Variants in PPP1R1C observed in about 807,000 individuals in gnomAD.
PPP1R1C encodes protein phosphatase 1 regulatory inhibitor subunit 1C.
Under a neutral mutation model 17.4 loss-of-function variants are expected in PPP1R1C, and 15 were observed. That is an observed-to-expected ratio of 0.86 (90% CI 0.58 to 1.33). The LOEUF (loss-of-function observed/expected upper bound fraction) is 1.33, where lower values mean the gene tolerates loss of function less well. Among genes scored for constraint, PPP1R1C ranks in the 40% most tolerant of loss-of-function variants. The pLI is 0.00. For synonymous variants in PPP1R1C, 35 were observed against 43.1 expected, an observed-to-expected ratio of 0.81 and a Z score of 0.73; for missense variants, 143 against 130.0, an observed-to-expected ratio of 1.10 and a Z score of -0.48.
intron 1 of PPP1R1C, among the ~76,000 whole-genome samples, chr2:181,956,910 A>G (rs1275233244): frequency 1.3e-5 from 2 of 152,254 alleles, no homozygotes; most frequent in Non-Finnish European, 2.9e-5. Flanking sequence ...CTGAAATGTT[A>G]CATAATTTTG....
chr2:182,110,610 T>A (rs1213795210), intron 4 of PPP1R1C, among the ~76,000 whole-genome samples: 1 of 152,186 alleles, frequency 6.6e-6, no homozygotes, highest in Non-Finnish European at 1.5e-5. Flanking sequence ...CAGCACAGGA[T>A]GTTATTCTCT....
At chr2:182,054,792 C>T (rs1687631912) in intron 2 of PPP1R1C, among the ~76,000 whole-genome samples, 1 of 152,076 alleles carries the variant, frequency 6.6e-6, no homozygotes, top group African/African-American at 2.4e-5. Context: ...TCCTTGGTAG[C>T]TGGAATTATA....
intron 2 of PPP1R1C, among the ~76,000 whole-genome samples, chr2:182,016,706 TATG>T (rs1344259020): frequency 6.6e-6 from 1 of 152,210 alleles, no homozygotes; most frequent in Non-Finnish European, 1.5e-5. Context: ...CTAGCTGAAA[TATG>T]ATAATACTAC....
chr2:182,036,018 T>A (rs922343478), intron 2 of PPP1R1C, among the ~76,000 whole-genome samples: 13 of 152,228 alleles, frequency 8.5e-5, no homozygotes, highest in Admixed American at 6.5e-4. Context: ...CACATTTGCT[T>A]TTCCACATAC....
At chr2:182,064,503 A>G (rs1475914711) in intron 4 of PPP1R1C, among the ~76,000 whole-genome samples, 2 of 151,986 alleles carry the variant, frequency 1.3e-5, no homozygotes, top group African/African-American at 4.8e-5. Context: ...ATCATACTCA[A>G]TTTGTCCAGC....
chr2:182,087,431 A>G lies in PPP1R1C; in HGVS notation c.241+23640A>G, dbSNP rs114675153. ...GCTGAATTCTGTTCCTCTACTCTAT[A>G]TTTTCCCATGCTGCTTTCATCTTTT... On this transcript the variant is annotated intron_variant, in intron 4 of 4. Coordinates refer to ENST00000682840, the MANE Select transcript of PPP1R1C (RefSeq NM_001080545.3). Among the ~76,000 whole-genome samples, 1,337 of 152,100 alleles carry G rather than the reference A, an allele frequency of 8.8e-3. 22 individuals carry two copies. The highest frequency in any genetic ancestry group is 0.03 in the African/African-American group (1,251 of 41,484).
chr2:182,067,466 G>A (rs1035330667), intron 4 of PPP1R1C, among the ~76,000 whole-genome samples: 1 of 151,968 alleles, frequency 6.6e-6, no homozygotes, highest in Non-Finnish European at 1.5e-5. Flanking sequence ...GATGAAAGTG[G>A]CAATAATGGC....
intron 2 of PPP1R1C, among the ~76,000 whole-genome samples, chr2:182,003,178 T>G (rs1685822047): frequency 6.6e-6 from 1 of 152,178 alleles, no homozygotes; most frequent in Non-Finnish European, 1.5e-5. Context: ...TGCTTACATT[T>G]GAGATCTGCT....
chr2:182,082,985 A>G (rs990369788), intron 4 of PPP1R1C, among the ~76,000 whole-genome samples: 1 of 152,164 alleles, frequency 6.6e-6, no homozygotes, highest in Non-Finnish European at 1.5e-5. Flanking sequence ...ACACTGTTAG[A>G]TATGTATACT....
intron 4 of PPP1R1C, among the ~76,000 whole-genome samples, chr2:182,082,027 GA>G (rs1688495727): frequency 1.3e-5 from 2 of 151,574 alleles, no homozygotes; most frequent in South Asian, 4.2e-4. Context: ...GAAGCTTAAA[GA>G]AATAAACAAA....
At chr2:181,980,968 G>A (rs1321108600), upstream of PPP1R1C, among the ~76,000 whole-genome samples, 2 of 142,764 alleles carry the variant, frequency 1.4e-5, no homozygotes, top group Non-Finnish European at 3.0e-5. Context: ...TCGCTCTGTC[G>A]CCCAGGCTGG....
At chr2:182,029,765 G>T (rs1461112103) in intron 2 of PPP1R1C, among the ~76,000 whole-genome samples, 6 of 88,050 alleles carry the variant, frequency 6.8e-5, no homozygotes, top group Admixed American at 1.4e-4. Flanking sequence ...GGCCTGCCTT[G>T]CTAGATTGGG....
At chr2:182,124,327 G>GTTTTTTTTTTTTTTTTTTTT (rs1294464668) in intron 5 of PPP1R1C, among the ~76,000 whole-genome samples, 85 of 82,946 alleles carry the variant, frequency 1.0e-3, no homozygotes, top group Middle Eastern at 0.011. Flanking sequence ...TTTTTTTTTT[G>GTTTTTTTTTTTTTTTTTTTT]TTTTTTTTTT....
intron 1 of PPP1R1C, among the ~76,000 whole-genome samples, chr2:181,968,964 G>T (rs994344719): frequency 6.6e-6 from 1 of 152,034 alleles, no homozygotes; most frequent in East Asian, 1.9e-4. Flanking sequence ...AAACAAACAA[G>T]CAAAGAGAAA....
Position 182,020,305 on chromosome 2 carries a change from T to C in PPP1R1C, c.142+32406T>C, listed in dbSNP as rs144223359. On this transcript the variant is annotated intron_variant, in intron 2 of 4. Coordinates refer to ENST00000682840, the MANE Select transcript of PPP1R1C (RefSeq NM_001080545.3). ...TGCATAGAATTAGATGAAAGAAGAG[T>C]AATATCTTAGATAAAATATCTTATT... Among the ~76,000 whole-genome samples the C allele has an allele frequency of 1.7e-4, 26 of 152,236 alleles. No individual in the cohort carries two copies. In the East Asian group the frequency reaches 5.0e-3, roughly 29 times the overall value.
chr2:182,063,779 C>T lies in PPP1R1C; in HGVS notation c.229C>T (p.Pro77Ser). ...KQRKQSVYTP[P>S]TIKGVKHLKG... is the part of the protein sequence containing the mutation. The stretch of plus-strand genomic sequence containing the variant: ...AAGGAAGCAGAGTGTGTACACACCA[C>T]CCACCATAAAAGGTACTGTTCAGGT... Residue 77 changes from proline to serine, a missense_variant, in exon 4 of 5, where the codon CCC becomes TCC. By Grantham distance (74) the Pro-to-Ser change is moderately conservative. Coordinates refer to ENST00000682840, the MANE Select transcript of PPP1R1C (RefSeq NM_001080545.3). 16 of 1,612,516 alleles carry T rather than the reference C, an allele frequency of 9.9e-6. No homozygotes were observed. The highest frequency in any genetic ancestry group is 2.2e-5 in the East Asian group (1 of 44,862).
At chr2:182,079,048 T>G (rs1688396550) in intron 4 of PPP1R1C, among the ~76,000 whole-genome samples, 1 of 152,250 alleles carries the variant, frequency 6.6e-6, no homozygotes, top group Non-Finnish European at 1.5e-5. Flanking sequence ...TTCTATTTAT[T>G]TTTTGATATG....
intron 4 of PPP1R1C, among the ~76,000 whole-genome samples, chr2:182,077,636 TATAA>T (rs1483989683): frequency 1.3e-5 from 2 of 152,186 alleles, no homozygotes; most frequent in Non-Finnish European, 2.9e-5. Context: ...GTGTGTGCTG[TATAA>T]ATAATGTTCT....
chr2:182,094,784 T>G (rs1175907299), intron 4 of PPP1R1C, among the ~76,000 whole-genome samples: 1 of 152,182 alleles, frequency 6.6e-6, no homozygotes, highest in Non-Finnish European at 1.5e-5. Context: ...TCCCACATGC[T>G]TAGTGTTCCA....
Sources: gnomAD v4.1 joint callset for allele counts (sites outside exome capture counted in the v4.1 genomes callset) on GRCh38, gnomAD v4.1.1 for gene constraint, MANE v1.5 for transcripts, NCBI Gene and HGNC (gene_info 2026-07-23, HGNC 2026-07-21) for gene names.